The following DYNC2H1 variants were observed in gnomAD, a reference collection of about 807,000 sequenced individuals.
The protein encoded by DYNC2H1 is dynein cytoplasmic 2 heavy chain 1, also known as cytoplasmic dynein 2 heavy chain 1.
DYNC2H1 carries 410 observed loss-of-function variants against 570.0 expected under a neutral mutation model. The ratio of observed to expected loss-of-function variants is 0.72; its 90% CI spans 0.66 to 0.78. DYNC2H1 has a LOEUF of 0.78. DYNC2H1 is among the 30% of genes least tolerant of loss of function. The pLI is 0.00. For missense variants in DYNC2H1, 4,865 were observed against 5,046.4 expected (o/e 0.96, Z 1.09); for synonymous variants, 1,688 against 1,677.6 (o/e 1.01, Z -0.15).
chr11:103,134,243 A>T, intron 14 of DYNC2H1, 78 bp from the exon 15 acceptor site: 1 of 1,219,036 alleles, frequency 8.2e-7, no homozygotes, highest in Non-Finnish European at 1.2e-6. Flanking sequence ...TTAAGGTGGT[A>T]TCTGTCAGGT....
chr11:103,349,678 G>A (rs1036472323), intron 82 of DYNC2H1, among the ~76,000 whole-genome samples: 1 of 152,124 alleles, frequency 6.6e-6, no homozygotes, highest in African/African-American at 2.4e-5. Context: ...ACACTTCGGT[G>A]ACAGGTTCAT....
At chr11:103,459,983 A>T (rs1027124251) in intron 87 of DYNC2H1, among the ~76,000 whole-genome samples, 3 of 150,468 alleles carry the variant, frequency 2.0e-5, no homozygotes, top group African/African-American at 7.3e-5. Flanking sequence ...AAAAAAAAAA[A>T]GCTGAAGGAC....
At position 103,234,084 on chromosome 11, in the gene DYNC2H1, AG is replaced by A. The variant is rs780243284; in HGVS notation, c.9493del (p.Ala3165HisfsTer11). 1 of 1,567,826 alleles carries A rather than the reference AG, an allele frequency of 6.4e-7. No homozygotes were observed. Among genetic ancestry groups the A allele is most frequent in the Admixed American group, 1.9e-5 (1 of 53,140 alleles). ...EAAKLEAEVS[K>X]AQETIKAAEV... ...GCCAAACTTGAGGCTGAAGTAAGCA[AG>A]GCACAAGAAACAATCAAAGCTGCAG... is the stretch of plus-strand genomic sequence containing the variant. On this transcript the variant is annotated frameshift_variant, in exon 61 of 89. Coordinates refer to ENST00000375735, the MANE Select transcript of DYNC2H1 (RefSeq NM_001377.3). LOFTEE classifies it high-confidence loss of function.
At chr11:103,148,640 A>G (rs1294226649) in intron 20 of DYNC2H1, 23 bp downstream of exon 20, 1 of 1,543,400 alleles carries the variant, frequency 6.5e-7, no homozygotes, top group Admixed American at 2.0e-5. Flanking sequence ...AAGTAAAATT[A>G]TTATTATTAC....
intron 84 of DYNC2H1, chr11:103,401,958 A>G (rs897910506): frequency 1.3e-5 from 2 of 152,152 alleles, no homozygotes; most frequent in Non-Finnish European, 2.9e-5. Flanking sequence ...TGATATTAAT[A>G]AAAAATGTAA....
intron 82 of DYNC2H1, among the ~76,000 whole-genome samples, chr11:103,357,183 TTAA>T (rs1371655994): frequency 3.9e-5 from 6 of 152,236 alleles, no homozygotes; most frequent in East Asian, 1.9e-4. Flanking sequence ...TAACAAATGA[TTAA>T]TAAGATTCAT....
intron 44 of DYNC2H1, 88 bp downstream of exon 44, chr11:103,188,736 A>G: frequency 9.3e-7 from 1 of 1,071,102 alleles, no homozygotes. Context: ...ATAATACTTT[A>G]AAATTTAGAA....
chr11:103,303,315 T>G, intron 76 of DYNC2H1, 62 bp downstream of exon 76: 1 of 1,541,966 alleles, frequency 6.5e-7, no homozygotes, highest in South Asian at 1.3e-5. Context: ...CTTGATGATA[T>G]TGGTCAAATG....
rs1938381184 is a variant in DYNC2H1 at position 103,324,722 on chromosome 11, A to G, written c.12039+732A>G. Among the ~76,000 whole-genome samples, 1 of 152,198 alleles carries G rather than the reference A, an allele frequency of 6.6e-6. No homozygotes were observed. Among genetic ancestry groups the G allele is most frequent in the African/African-American group, 2.4e-5 (1 of 41,438 alleles). ...GAACCATTTATATTCCTTTGAGTAT[A>G]TACCCAATAATGGGATTTCTGGGTC... On this transcript the variant is annotated intron_variant, in intron 82 of 88. Coordinates refer to ENST00000375735, the MANE Select transcript of DYNC2H1 (RefSeq NM_001377.3). The surrounding 1 kb of genome is among the most constrained non-coding windows in gnomAD (Gnocchi z 5.2).
At chr11:103,353,307 C>G (rs539528612) in intron 82 of DYNC2H1, among the ~76,000 whole-genome samples, 7 of 152,142 alleles carry the variant, frequency 4.6e-5, no homozygotes, top group African/African-American at 1.2e-4. Context: ...ATTTTTTTTA[C>G]AAAAAATGAT....
chr11:103,172,995 T>C (rs1177294668), intron 34 of DYNC2H1, 87 bp from the exon 35 acceptor site: 1 of 664,328 alleles, frequency 1.5e-6, no homozygotes, highest in Non-Finnish European at 2.1e-6. Flanking sequence ...TTTATGTTTA[T>C]AGTTTCAAAT....
At chr11:103,292,989 AT>A (rs1249577284) in intron 75 of DYNC2H1, among the ~76,000 whole-genome samples, 1 of 152,222 alleles carries the variant, frequency 6.6e-6, no homozygotes, top group Non-Finnish European at 1.5e-5. Flanking sequence ...CAGTGTTAGC[AT>A]TTTATGTATT....
Position 103,456,376 on chromosome 11 carries a change from T to A in DYNC2H1, c.12648+20T>A. The A allele has an allele frequency of 6.4e-7, 1 of 1,563,608 alleles. No homozygotes were observed. Among genetic ancestry groups the A allele is most frequent in the Admixed American group, 1.9e-5 (1 of 53,720 alleles). ...ATTAAGGTACTAGACTAATTTTAGATCTTGGAATCTCAGCCTTATCACCAA... is the reference window on the plus strand; with the variant it reads ...ATTAAGGTACTAGACTAATTTTAGAACTTGGAATCTCAGCCTTATCACCAA... On this transcript the variant is annotated intron_variant, in intron 87 of 88. Coordinates refer to ENST00000375735, the MANE Select transcript of DYNC2H1 (RefSeq NM_001377.3).
chr11:103,390,228 A>T (rs1436796939), intron 83 of DYNC2H1, among the ~76,000 whole-genome samples: 1 of 152,084 alleles, frequency 6.6e-6, no homozygotes, highest in African/African-American at 2.4e-5. Context: ...TTCTTGTTGT[A>T]TGGATCCCTT....
chr11:103,189,739 C>G lies in DYNC2H1; in HGVS notation c.7360C>G (p.Leu2454Val), dbSNP rs747012196. ...AYLEPVLHKN[L>V]KNHSIWGSSS... ...TTTGGAACCAGTTCTACATAAAAATCTGAAGAATCATTCTATTTGGGGTTC... is the reference window on the plus strand; with the variant it reads ...TTTGGAACCAGTTCTACATAAAAATGTGAAGAATCATTCTATTTGGGGTTC... The change falls in exon 45 of 89, where the codon CTG becomes GTG. Residue 2454 changes from leucine (L) to valine (V), a missense_variant. Leu to Val is a conservative substitution (Grantham distance 32, BLOSUM62 1). Transcript: ENST00000375735. The surrounding 1 kb of genome is among the most constrained non-coding windows in gnomAD (Gnocchi z 4.3). 1 of 1,612,768 alleles carries G rather than the reference C, an allele frequency of 6.2e-7. No individual in the cohort carries two copies. Among genetic ancestry groups the G allele is most frequent in the African/African-American group, 1.3e-5 (1 of 74,982 alleles).
intron 1 of DYNC2H1, among the ~76,000 whole-genome samples, chr11:103,110,318 C>G (rs774122449): frequency 6.6e-6 from 1 of 152,024 alleles, no homozygotes; most frequent in Non-Finnish European, 1.5e-5. Context: ...GGCCTATATT[C>G]TACTTTTTAA....
intron 83 of DYNC2H1, among the ~76,000 whole-genome samples, chr11:103,380,626 T>C (rs901094856): frequency 6.6e-6 from 1 of 152,154 alleles, no homozygotes; most frequent in Non-Finnish European, 1.5e-5. Context: ...AGTGGTGCGA[T>C]CTCAGCTCAC....
chr11:103,354,802 A>G (rs1273388552), intron 82 of DYNC2H1, among the ~76,000 whole-genome samples: 1 of 131,126 alleles, frequency 7.6e-6, no homozygotes, highest in Non-Finnish European at 1.7e-5. Flanking sequence ...AGCTTCTTGT[A>G]AGATCTTTTT....
chr11:103,140,782 T>C (rs961014061), intron 17 of DYNC2H1, among the ~76,000 whole-genome samples: 3 of 152,252 alleles, frequency 2.0e-5, no homozygotes, highest in African/African-American at 7.2e-5. Context: ...TTCTCCTGGA[T>C]AATATCCTGC....
Sources: gnomAD v4.1 joint callset for allele counts (sites outside exome capture counted in the v4.1 genomes callset) on GRCh38, gnomAD v4.1.1 for gene constraint, Gnocchi (gnomAD v3.1) non-coding constraint, MANE v1.5 for transcripts, NCBI Gene and HGNC (gene_info 2026-07-23, HGNC 2026-07-21) for gene names.